Variants in FOXJ3 observed in about 807,000 individuals in gnomAD.
The protein encoded by FOXJ3 is forkhead box protein J3.
FOXJ3 carries 22 observed loss-of-function variants against 76.1 expected under a neutral mutation model. The ratio of observed to expected loss-of-function variants is 0.29; its 90% CI spans 0.21 to 0.41. The LOEUF is 0.41. Ranked by LOEUF, FOXJ3 falls within the 10% of genes least tolerant of loss-of-function variation. FOXJ3 has a pLI of 1.00. For missense variants in FOXJ3, 613 were observed against 762.1 expected (o/e 0.80, Z 2.30); for synonymous variants, 269 against 261.2 (o/e 1.03, Z -0.29).
intron 4 of FOXJ3, among the ~76,000 whole-genome samples, chr1:42,261,186 CTT>C (rs1431155062): frequency 6.7e-6 from 1 of 150,258 alleles, no homozygotes; most frequent in African/African-American, 2.5e-5. Context: ...CACAATAAGA[CTT>C]ATAACCCAAA....
chr1:42,301,393 G>A (rs1027503523), intron 2 of FOXJ3, among the ~76,000 whole-genome samples: 2 of 151,780 alleles, frequency 1.3e-5, no homozygotes, highest in Non-Finnish European at 2.9e-5. Flanking sequence ...TAGAGATGGG[G>A]TTTTCACCAT....
chr1:42,234,993 C>G (rs1648483944), intron 4 of FOXJ3, among the ~76,000 whole-genome samples: 1 of 152,182 alleles, frequency 6.6e-6, no homozygotes, highest in Admixed American at 6.5e-5. Flanking sequence ...TATGCCCTGC[C>G]CCCAGAGGTG....
At chr1:42,189,016 C>A in intron 10 of FOXJ3, 88 bp from the exon 11 acceptor site, 1 of 838,586 alleles carries the variant, frequency 1.2e-6, no homozygotes. Flanking sequence ...TTTCAGCTCT[C>A]AAAATTTCCA....
In FOXJ3 at chr1:42,291,047, T is replaced by C. The variant is rs935574395; in HGVS notation, c.45-12375A>G. 6.2e-5 allele frequency among the ~76,000 whole-genome samples: 8 copies of C among 129,008 alleles called. No individual in the cohort carries two copies. In the South Asian group the frequency reaches 2.1e-3, roughly 33 times the overall value. 84.6% of individuals were successfully genotyped at this position (129,008 alleles called of 152,430 possible). On this transcript the variant is annotated intron_variant, in intron 2 of 12. Transcript: ENST00000361346. ...CCATATAGATAGATAGATAGATAGA[T>C]AGATAGATAGATAGATAGATAGATA...
chr1:42,300,047 A>G (rs1322186277), intron 2 of FOXJ3, among the ~76,000 whole-genome samples: 1 of 151,954 alleles, frequency 6.6e-6, no homozygotes, highest in African/African-American at 2.4e-5. Flanking sequence ...CTAAAAATGT[A>G]AAATTAGCCA....
At chr1:42,307,308 G>T (rs2124748350) in intron 2 of FOXJ3, among the ~76,000 whole-genome samples, 1 of 152,188 alleles carries the variant, frequency 6.6e-6, no homozygotes, top group East Asian at 1.9e-4. Flanking sequence ...CCTCTGCCAA[G>T]CTCAGATACC....
At chr1:42,204,638 C>T (rs1646825692) in intron 6 of FOXJ3, among the ~76,000 whole-genome samples, 1 of 152,206 alleles carries the variant, frequency 6.6e-6, no homozygotes, top group Non-Finnish European at 1.5e-5. Context: ...GGGCCCTATT[C>T]ATGACACAGT....
intron 4 of FOXJ3, among the ~76,000 whole-genome samples, chr1:42,239,578 C>A (rs1481049686): frequency 6.6e-6 from 1 of 152,148 alleles, no homozygotes; most frequent in Non-Finnish European, 1.5e-5. Flanking sequence ...ACTAACTACT[C>A]ATCAATTGTC....
rs772531178 is a variant in FOXJ3, at chr1:42,191,470, T to C, written c.1184A>G (p.Gln395Arg). ...HRPHGLPQHP[Q>R]RSPHPAPHPQ... is the part of the protein sequence containing the mutation. The stretch of plus-strand genomic sequence containing the variant: ...GTGTGGTGCTGGGTGTGGGGAACGC[T>C]GCGGATGCTGCGGTAAACCATGCGG... Residue 395 changes from glutamine to arginine, a missense_variant, in exon 9 of 13, where the codon CAG (glutamine) becomes CGG (arginine). Coordinates refer to ENST00000361346, the MANE Select transcript of FOXJ3 (RefSeq NM_014947.5). The C allele has an allele frequency of 6.2e-7, 1 of 1,613,592 alleles. No homozygotes were observed. Among genetic ancestry groups the C allele is most frequent in the Non-Finnish European group, 8.5e-7 (1 of 1,179,668 alleles).
At chr1:42,320,139 A>G (rs1412884745) in intron 1 of FOXJ3, among the ~76,000 whole-genome samples, 1 of 152,228 alleles carries the variant, frequency 6.6e-6, no homozygotes, top group Non-Finnish European at 1.5e-5. Context: ...CTGTTTTAAC[A>G]GTAGGAAATA....
chr1:42,325,914 C>T (rs1218805672), intron 1 of FOXJ3, among the ~76,000 whole-genome samples: 1 of 152,128 alleles, frequency 6.6e-6, no homozygotes, highest in Non-Finnish European at 1.5e-5. Context: ...TAACAAACTG[C>T]TTAGAAAGCA....
intron 2 of FOXJ3, among the ~76,000 whole-genome samples, chr1:42,298,094 G>A (rs72954212): frequency 0.021 from 3,180 of 152,032 alleles, 102 homozygotes; most frequent in African/African-American, 0.073. Context: ...AAGTTCTCAC[G>A]AGATCTGATG....
chr1:42,182,125 A>T lies in FOXJ3; in HGVS notation c.1646-101T>A. 6.1e-6 allele frequency: 4 copies of T among 659,708 alleles called. No homozygotes were observed. The South Asian group carries it at 7.6e-5, about 12-fold the overall frequency. The allele number at this position is 659,708 out of a possible 1,614,324, so 40.9% of individuals were successfully genotyped here. On this transcript the variant is annotated intron_variant, in intron 11 of 12. Coordinates refer to ENST00000361346, the MANE Select transcript of FOXJ3 (RefSeq NM_014947.5). ...GAATTGTTACTCTGAAAGTAAATTAAGCAGGTAAAATAAGGAGAAAGGGGG... is the reference window on the plus strand; with the variant it reads ...GAATTGTTACTCTGAAAGTAAATTATGCAGGTAAAATAAGGAGAAAGGGGG...
chr1:42,335,387 A>C (rs1656437788), upstream of FOXJ3: 1 of 152,190 alleles, frequency 6.6e-6, no homozygotes, highest in African/African-American at 2.4e-5. Context: ...TAGTGCCCTG[A>C]GACTCCCGAG....
chr1:42,308,810 CATA>C (rs1654622962), intron 2 of FOXJ3, among the ~76,000 whole-genome samples: 2 of 152,018 alleles, frequency 1.3e-5, no homozygotes, highest in South Asian at 2.1e-4. Context: ...AAGTTACACA[CATA>C]TTATTCCTAA....
chr1:42,261,353 A>C (rs1170634804), intron 4 of FOXJ3, among the ~76,000 whole-genome samples: 2 of 152,152 alleles, frequency 1.3e-5, no homozygotes, highest in Non-Finnish European at 2.9e-5. Flanking sequence ...ATCTGTCCCC[A>C]AAAAAGCAGC....
At chr1:42,231,541 G>A (rs941421109) in intron 4 of FOXJ3, among the ~76,000 whole-genome samples, 2 of 152,116 alleles carry the variant, frequency 1.3e-5, no homozygotes, top group African/African-American at 4.8e-5. Context: ...AAACGTTCTC[G>A]AGATGGATGG....
chr1:42,310,821 C>T (rs1654761961), intron 2 of FOXJ3, among the ~76,000 whole-genome samples: 1 of 152,164 alleles, frequency 6.6e-6, no homozygotes, highest in African/African-American at 2.4e-5. Flanking sequence ...TACCACCACA[C>T]TATACTCAGT....
chr1:42,246,985 G>C (rs931814270), intron 4 of FOXJ3, among the ~76,000 whole-genome samples: 3 of 152,122 alleles, frequency 2.0e-5, no homozygotes, highest in African/African-American at 7.2e-5. Flanking sequence ...TAATCTCATG[G>C]AGGTAAAGAG....
Sources: allele counts gnomAD v4.1 joint callset (sites outside exome capture counted in the v4.1 genomes callset), GRCh38; gene constraint gnomAD v4.1.1; transcripts MANE v1.5; gene names NCBI Gene and HGNC (gene_info 2026-07-23, HGNC 2026-07-21).